Variants in PIGK observed in about 807,000 individuals in gnomAD.
PIGK encodes the protein GPI-anchor transamidase.
Under a neutral mutation model 50.6 loss-of-function variants are expected in PIGK, and 42 were observed. The ratio of observed to expected loss-of-function variants is 0.83; its 90% confidence interval spans 0.65 to 1.07. The LOEUF is 1.07. Among genes scored for constraint, PIGK ranks in the 50% least tolerant of loss-of-function variants. The probability of loss-of-function intolerance (pLI) is 0.00; values close to 1 mark genes in which losing one functional copy is unlikely to be tolerated. For synonymous variants in PIGK, 151 were observed against 156.0 expected, an observed-to-expected ratio of 0.97 and a Z score of 0.24; for missense variants, 448 against 488.7, an observed-to-expected ratio of 0.92 and a Z score of 0.78.
chr1:77,208,110 T>C (rs1425099268), intron 2 of PIGK, among the ~76,000 whole-genome samples: 6 of 152,018 alleles, frequency 3.9e-5, no homozygotes, highest in Non-Finnish European at 7.4e-5. Flanking sequence ...GTTGTAGTTC[T>C]AGCTACTTGG....
chr1:77,129,714 AAAAT>A (rs144134062), intron 9 of PIGK: 235,808 of 913,428 alleles, frequency 0.26, 37,426 homozygotes, highest in Middle Eastern at 0.32. Flanking sequence ...ATAAAAAATA[AAAAT>A]AAATAAATAA....
chr1:77,188,049 C>T (rs1037784378), intron 3 of PIGK, among the ~76,000 whole-genome samples: 1 of 152,118 alleles, frequency 6.6e-6, no homozygotes, highest in African/African-American at 2.4e-5. Flanking sequence ...TATGTCGCCT[C>T]AGGACCCTGC....
intron 9 of PIGK, among the ~76,000 whole-genome samples, chr1:77,147,671 G>A (rs1394308313): frequency 6.6e-6 from 1 of 152,166 alleles, no homozygotes; most frequent in Admixed American, 6.5e-5. Flanking sequence ...CTTTGAAGAG[G>A]AAGAGAGTTT....
intron 9 of PIGK, chr1:77,129,707 A>C: frequency 9.3e-7 from 1 of 1,070,704 alleles, no homozygotes; most frequent in South Asian, 1.9e-5. Context: ...AGGAAAAATA[A>C]AAAATAAAAA....
At chr1:77,129,501 T>C (rs1356650198) in intron 9 of PIGK, 1 of 1,453,300 alleles carries the variant, frequency 6.9e-7, no homozygotes, top group Admixed American at 1.7e-5. Context: ...CCGCCGGACC[T>C]ACAGAGCTCA....
intron 10 of PIGK, among the ~76,000 whole-genome samples, chr1:77,120,499 C>T (rs1654073101): frequency 6.6e-6 from 1 of 152,158 alleles, no homozygotes; most frequent in Non-Finnish European, 1.5e-5. Context: ...GGATTATAGG[C>T]ATGGGATACC....
rs563497907 is a variant in PIGK, at chr1:77,162,260, A to C, written c.585-549T>G. Among the ~76,000 whole-genome samples, 13 of 152,320 alleles carry C rather than the reference A, an allele frequency of 8.5e-5. No homozygotes were observed. The South Asian group carries it at 2.7e-3, about 32-fold the overall frequency. On this transcript the variant is annotated intron_variant, in intron 6 of 10. Coordinates refer to ENST00000370812, the MANE Select transcript of PIGK (RefSeq NM_005482.3). The stretch of plus-strand genomic sequence containing the variant: ...CAAAGTGTTGAATGAACACTGAGAA[A>C]GGACTAAGGAGGAACTGCAAAGAAA...
chr1:77,203,079 A>AT (rs1326752795), intron 3 of PIGK, among the ~76,000 whole-genome samples: 36 of 152,310 alleles, frequency 2.4e-4, no homozygotes, highest in African/African-American at 8.4e-4. Context: ...TCATAAGTAA[A>AT]CCACTTTATT....
At chr1:77,204,244 G>GC (rs1656237759) in intron 3 of PIGK, among the ~76,000 whole-genome samples, 1 of 152,168 alleles carries the variant, frequency 6.6e-6, no homozygotes, top group Non-Finnish European at 1.5e-5. Flanking sequence ...GTCTTATACG[G>GC]TTGCAGATAA....
chr1:77,201,288 A>G (rs900112234), intron 3 of PIGK, among the ~76,000 whole-genome samples: 1 of 152,226 alleles, frequency 6.6e-6, no homozygotes, highest in Admixed American at 6.5e-5. Flanking sequence ...AAGGGACAAA[A>G]GACAAAAAGG....
Position 77,188,839 on chromosome 1 carries a change from G to A in PIGK, c.239+17801C>T, listed in dbSNP as rs146777250. 2.0e-3 allele frequency among the ~76,000 whole-genome samples: 301 copies of A among 152,184 alleles called. 2 individuals are homozygous for A. The highest frequency in any genetic ancestry group is 6.8e-3 in the African/African-American group (281 of 41,524). ...ATAGAAAAGAACCTATGTGATTATCGGGGCAGGTTCCCCGATAGTCACCCC... is the reference window on the plus strand; with the variant it reads ...ATAGAAAAGAACCTATGTGATTATCAGGGCAGGTTCCCCGATAGTCACCCC... On this transcript the variant is annotated intron_variant, in intron 3 of 10. Coordinates refer to ENST00000370812, the MANE Select transcript of PIGK (RefSeq NM_005482.3).
intron 3 of PIGK, among the ~76,000 whole-genome samples, chr1:77,173,913 A>G (rs839804): frequency 0.99 from 150,679 of 152,348 alleles, 74,530 homozygotes; most frequent in Middle Eastern, 1. Flanking sequence ...CTTAGTCTCC[A>G]CCTTCCAGGG....
chr1:77,160,704 C>T (rs1286636022), intron 8 of PIGK, among the ~76,000 whole-genome samples: 1 of 152,056 alleles, frequency 6.6e-6, no homozygotes, highest in Non-Finnish European at 1.5e-5. Context: ...TCAACAGCAA[C>T]TTCAAAGTAG....
chr1:77,121,118 C>G (rs1353230419), intron 10 of PIGK, among the ~76,000 whole-genome samples: 2 of 152,166 alleles, frequency 1.3e-5, no homozygotes, highest in Non-Finnish European at 2.9e-5. Flanking sequence ...GAGCAAACCA[C>G]AAACTGTTTC....
At chr1:77,179,796 T>C (rs1300705463) in intron 3 of PIGK, among the ~76,000 whole-genome samples, 1 of 152,198 alleles carries the variant, frequency 6.6e-6, no homozygotes, top group Non-Finnish European at 1.5e-5. Context: ...CATAAAAGTA[T>C]GTTGTACACT....
At chr1:77,218,752 T>C (rs1425567052) in intron 1 of PIGK, among the ~76,000 whole-genome samples, 2 of 152,142 alleles carry the variant, frequency 1.3e-5, no homozygotes, top group African/African-American at 4.8e-5. Context: ...CAGAACATCC[T>C]GTGTCCACGT....
intron 8 of PIGK, among the ~76,000 whole-genome samples, chr1:77,157,804 T>C (rs975035228): frequency 1.3e-5 from 2 of 152,160 alleles, no homozygotes; most frequent in Admixed American, 6.6e-5. Flanking sequence ...AACTGAATCA[T>C]AGGGGCAAAT....
intron 9 of PIGK, among the ~76,000 whole-genome samples, chr1:77,139,628 T>C (rs1293279461): frequency 6.6e-6 from 1 of 152,194 alleles, no homozygotes; most frequent in Non-Finnish European, 1.5e-5. Flanking sequence ...CATGTAGTCC[T>C]TACCACTGAA....
intron 10 of PIGK, among the ~76,000 whole-genome samples, chr1:77,103,501 T>A (rs1472148957): frequency 1.3e-5 from 2 of 152,190 alleles, no homozygotes; most frequent in Non-Finnish European, 2.9e-5. Context: ...AATTAGAAAG[T>A]CAGACAAAAG....
Sources: allele counts gnomAD v4.1 joint callset (sites outside exome capture counted in the v4.1 genomes callset), GRCh38; gene constraint gnomAD v4.1.1; transcripts MANE v1.5; gene names NCBI Gene and HGNC (gene_info 2026-07-23, HGNC 2026-07-21).